The following LRFN2 variants were observed in gnomAD, a reference collection of about 807,000 sequenced individuals.
LRFN2 encodes leucine rich repeat and fibronectin type III domain containing 2.
LRFN2 carries 18 observed loss-of-function variants against 37.3 expected under a neutral mutation model. That is an observed-to-expected ratio of 0.48 (90% confidence interval 0.33 to 0.72). The LOEUF (loss-of-function observed/expected upper bound fraction) is 0.72, where lower values mean the gene tolerates loss of function less well. Ranked by LOEUF, LRFN2 falls within the 30% of genes least tolerant of loss-of-function variation. The pLI, the probability that LRFN2 is intolerant of heterozygous loss-of-function variation, is 0.02. For synonymous variants in LRFN2, 556 were observed against 466.6 expected (o/e 1.19, Z -2.47); for missense variants, 1,006 against 1,060.7 (o/e 0.95, Z 0.72).
chr6:40,567,043 C>A (rs1767103522), intron 1 of LRFN2, among the ~76,000 whole-genome samples: 1 of 148,048 alleles, frequency 6.8e-6, no homozygotes, highest in Non-Finnish European at 1.5e-5. Context: ...ATGTCTGTAG[C>A]CCCTACATCC....
intron 1 of LRFN2, among the ~76,000 whole-genome samples, chr6:40,529,302 C>T (rs1040312680): frequency 2.0e-5 from 3 of 152,096 alleles, no homozygotes; most frequent in East Asian, 1.9e-4. Flanking sequence ...ATGACAGAAA[C>T]GGAATTTCCC....
intron 1 of LRFN2, among the ~76,000 whole-genome samples, chr6:40,454,446 T>C (rs186784960): frequency 9.9e-5 from 15 of 152,216 alleles, no homozygotes; most frequent in African/African-American, 3.6e-4. Context: ...AAGGGTGCAA[T>C]GGGCAGCACA....
At chr6:40,494,304 G>T (rs1054904804) in intron 1 of LRFN2, among the ~76,000 whole-genome samples, 3 of 152,146 alleles carry the variant, frequency 2.0e-5, no homozygotes, top group South Asian at 2.1e-4. Context: ...GCCATGGAAG[G>T]TTCCTTGGAG....
intron 2 of LRFN2, among the ~76,000 whole-genome samples, chr6:40,415,709 G>A (rs534963282): frequency 6.6e-6 from 1 of 152,316 alleles, no homozygotes; most frequent in South Asian, 2.1e-4. Context: ...TGGGAGATGC[G>A]AGTTGCAGGA....
intron 2 of LRFN2, among the ~76,000 whole-genome samples, chr6:40,430,405 C>T (rs973015952): frequency 6.6e-6 from 1 of 152,230 alleles, no homozygotes; most frequent in Non-Finnish European, 1.5e-5. Flanking sequence ...CTCTCTTGCA[C>T]CATGGGCCCT....
intron 1 of LRFN2, among the ~76,000 whole-genome samples, chr6:40,584,075 T>A (rs1007202326): frequency 6.6e-6 from 1 of 152,088 alleles, no homozygotes; most frequent in Non-Finnish European, 1.5e-5. Context: ...ATTCTCAAAG[T>A]TTTCTGGAGG....
At chr6:40,559,527 C>A (rs1766954117) in intron 1 of LRFN2, among the ~76,000 whole-genome samples, 2 of 152,096 alleles carry the variant, frequency 1.3e-5, no homozygotes, top group Admixed American at 1.3e-4. Context: ...GCCTGGGGCC[C>A]ACTATGGGGG....
At chr6:40,404,202 A>C (rs1581679868) in intron 2 of LRFN2, among the ~76,000 whole-genome samples, 3 of 152,126 alleles carry the variant, frequency 2.0e-5, no homozygotes, top group East Asian at 3.9e-4. Context: ...TCATTGATTT[A>C]TTATGATTAC....
chr6:40,461,309 G>A (rs953323362), intron 1 of LRFN2, among the ~76,000 whole-genome samples: 1 of 152,118 alleles, frequency 6.6e-6, no homozygotes, highest in African/African-American at 2.4e-5. Flanking sequence ...TATGGAGGCT[G>A]AAGTGGGAGG....
At chr6:40,565,155 C>T (rs1045023839) in intron 1 of LRFN2, among the ~76,000 whole-genome samples, 1 of 152,138 alleles carries the variant, frequency 6.6e-6, no homozygotes, top group Non-Finnish European at 1.5e-5. Flanking sequence ...ATAGAAATCG[C>T]TAACATTAAT....
Position 40,509,893 on chromosome 6 carries a change from G to C in LRFN2, c.-18-76762C>G, listed in dbSNP as rs548912330. Among the ~76,000 whole-genome samples, 6 of 148,788 alleles carry C rather than the reference G, an allele frequency of 4.0e-5. No individual in the cohort carries two copies. In the East Asian group the frequency reaches 1.2e-3, roughly 31 times the overall value. On this transcript the variant is annotated intron_variant, in intron 1 of 2. Coordinates refer to ENST00000338305, the MANE Select transcript of LRFN2 (RefSeq NM_020737.3). ...GGGAACACTGGGCTGCGTAGGTAGT[G>C]GGGGTGAGTGCATGCATGCCAGTAT...
intron 1 of LRFN2, among the ~76,000 whole-genome samples, chr6:40,506,035 G>T (rs1269794555): frequency 6.6e-6 from 1 of 152,222 alleles, no homozygotes; most frequent in African/African-American, 2.4e-5. Context: ...CCTCCAGTGA[G>T]GGGCCTAGAT....
At chr6:40,523,505 AT>A (rs751179915) in intron 1 of LRFN2, among the ~76,000 whole-genome samples, 357 of 129,160 alleles carry the variant, frequency 2.8e-3, no homozygotes, top group East Asian at 0.012. Context: ...TCTTTAGGTG[AT>A]TTTTTTTTTT....
intron 1 of LRFN2, among the ~76,000 whole-genome samples, chr6:40,565,469 A>G (rs982176732): frequency 3.3e-5 from 5 of 152,120 alleles, no homozygotes; most frequent in Admixed American, 6.5e-5. Flanking sequence ...GCATCACACT[A>G]CCTGACTTCA....
chr6:40,423,990 C>T (rs1763288676), intron 2 of LRFN2, among the ~76,000 whole-genome samples: 1 of 152,100 alleles, frequency 6.6e-6, no homozygotes, highest in African/African-American at 2.4e-5. Flanking sequence ...TGTTATAAAC[C>T]CTTATGAGTT....
chr6:40,544,706 A>C (rs1321991027), intron 1 of LRFN2, among the ~76,000 whole-genome samples: 2 of 152,242 alleles, frequency 1.3e-5, no homozygotes, highest in Admixed American at 1.3e-4. Flanking sequence ...GCCTGCCAGT[A>C]TAAAGGGATG....
intron 1 of LRFN2, among the ~76,000 whole-genome samples, chr6:40,482,209 C>A (rs1159996252): frequency 2.0e-5 from 3 of 152,182 alleles, no homozygotes; most frequent in Non-Finnish European, 4.4e-5. Context: ...GCTTCTGAAA[C>A]TCACTCCTCC....
chr6:40,569,201 A>G (rs1355215420), intron 1 of LRFN2, among the ~76,000 whole-genome samples: 1 of 152,242 alleles, frequency 6.6e-6, no homozygotes, highest in Non-Finnish European at 1.5e-5. Flanking sequence ...TCCAGGCAAC[A>G]GAAGATTGAG....
In LRFN2 at chr6:40,431,880, T is replaced by C. The variant is rs751332879; in HGVS notation, c.1234A>G (p.Ser412Gly). ...SSKTSRGGGG[S>G]GGGEPPKSPP... ...CTTTTGGGAGGCTCTCCGCCCCCAC[T>C]GCCTCCACCTCCCCGGCTGGTCTTG... is the stretch of plus-strand genomic sequence containing the variant. The change falls in exon 2 of 3, where the codon AGT becomes GGT. Residue 412 changes from serine to glycine, a missense_variant. Physicochemically the swap from Ser to Gly is moderately conservative, Grantham distance 56. Around this residue, in one of 4 missense-constraint regions of LRFN2, gnomAD observed 303 missense variants for 299.8 expected, o/e 1.01. Transcript: ENST00000338305. 6.2e-7 allele frequency: 1 copy of C among 1,605,812 alleles called. No individual in the cohort carries two copies. Among genetic ancestry groups the C allele is most frequent in the East Asian group, 2.2e-5 (1 of 44,774 alleles).
Sources: allele counts gnomAD v4.1 joint callset (sites outside exome capture counted in the v4.1 genomes callset), GRCh38; gene constraint gnomAD v4.1.1; regional missense constraint gnomAD v4.1.1; transcripts MANE v1.5; gene names NCBI Gene and HGNC (gene_info 2026-07-23, HGNC 2026-07-21).